The following ABHD17B variants were observed in gnomAD, a reference collection of about 807,000 sequenced individuals.
ABHD17B encodes alpha/beta hydrolase domain-containing protein 17B.
In ABHD17B, 9 loss-of-function variants were observed where a neutral mutation model predicts 26.2. The ratio of observed to expected loss-of-function variants is 0.34; its 90% CI spans 0.21 to 0.60. The LOEUF is 0.60. Among genes scored for constraint, ABHD17B ranks in the 20% least tolerant of loss-of-function variants. The probability of loss-of-function intolerance (pLI) is 0.80; values close to 1 mark genes in which losing one functional copy is unlikely to be tolerated. For missense variants in ABHD17B, 224 were observed against 352.1 expected, an observed-to-expected ratio of 0.64 and a Z score of 2.91; for synonymous variants, 127 against 122.3, an observed-to-expected ratio of 1.04 and a Z score of -0.25.
intron 1 of ABHD17B, among the ~76,000 whole-genome samples, chr9:71,885,026 C>T (rs1359841756): frequency 1.3e-5 from 2 of 151,976 alleles, no homozygotes; most frequent in Non-Finnish European, 2.9e-5. Context: ...AATCTATGAA[C>T]CTAAGTGGGG....
At position 71,866,158 on chromosome 9, in the gene ABHD17B, C is replaced by T. The variant is rs1481361612; in HGVS notation, c.*629G>A. ...ATGACTTCTCATTTACAAGGTAACT[C>T]ATTGGTAAATTAATAGATGGCATAA... On this transcript the variant is annotated 3_prime_UTR_variant, in exon 4 of 4. Transcript: ENST00000333421. 1 of 984,482 alleles carries T rather than the reference C, an allele frequency of 1.0e-6. No homozygotes were observed. Among genetic ancestry groups the T allele is most frequent in the African/African-American group, 1.7e-5 (1 of 57,192 alleles). 61.0% of individuals were successfully genotyped at this position (984,482 alleles called of 1,614,324 possible).
At chr9:71,890,247 G>A (rs1826742957) in intron 1 of ABHD17B, among the ~76,000 whole-genome samples, 1 of 152,110 alleles carries the variant, frequency 6.6e-6, no homozygotes, top group Non-Finnish European at 1.5e-5. Flanking sequence ...CCAAGTTTGT[G>A]CCACAGCATT....
chr9:71,910,390 C>G (rs1024746154), intron 1 of ABHD17B, among the ~76,000 whole-genome samples: 1 of 152,192 alleles, frequency 6.6e-6, no homozygotes, highest in Non-Finnish European at 1.5e-5. Context: ...ACCGCAGGGA[C>G]TGTCCTACCG....
At chr9:71,907,212 A>G (rs1428132269) in intron 1 of ABHD17B, among the ~76,000 whole-genome samples, 1 of 152,238 alleles carries the variant, frequency 6.6e-6, no homozygotes, top group Non-Finnish European at 1.5e-5. Context: ...TATATAACAG[A>G]GCACATACCA....
chr9:71,897,714 ATGT>A (rs1215422552), intron 1 of ABHD17B, among the ~76,000 whole-genome samples: 1 of 152,176 alleles, frequency 6.6e-6, no homozygotes, highest in Non-Finnish European at 1.5e-5. Context: ...CTTTACATAG[ATGT>A]TGTAACATGT....
At chr9:71,903,906 C>T (rs148492938) in intron 1 of ABHD17B, among the ~76,000 whole-genome samples, 1 of 152,224 alleles carries the variant, frequency 6.6e-6, no homozygotes, top group African/African-American at 2.4e-5. Context: ...TAATACTTTT[C>T]CCAGGTTATC....
intron 1 of ABHD17B, among the ~76,000 whole-genome samples, chr9:71,889,246 G>A (rs1211677094): frequency 1.3e-5 from 2 of 151,836 alleles, no homozygotes; most frequent in African/African-American, 4.8e-5. Context: ...GAACCTAGGA[G>A]GTACAGGCTG....
At chr9:71,887,767 C>T (rs143427030) in intron 1 of ABHD17B, among the ~76,000 whole-genome samples, 2,976 of 152,258 alleles carry the variant, frequency 0.02, 36 homozygotes, top group Middle Eastern at 0.054. Flanking sequence ...AGTACATATA[C>T]GTAAATCTCA....
intron 1 of ABHD17B, among the ~76,000 whole-genome samples, chr9:71,888,119 A>T (rs1826667119): frequency 6.6e-6 from 1 of 152,228 alleles, no homozygotes; most frequent in Admixed American, 6.5e-5. Flanking sequence ...AATCTTGATG[A>T]TCCACCAGAG....
intron 1 of ABHD17B, among the ~76,000 whole-genome samples, chr9:71,887,017 G>A (rs1826630881): frequency 1.3e-5 from 2 of 152,106 alleles, no homozygotes; most frequent in South Asian, 4.1e-4. Flanking sequence ...GAGTGTAACA[G>A]TGCCAATGGG....
At chr9:71,863,125 C>CT (rs1825870766), downstream of ABHD17B, among the ~76,000 whole-genome samples, 1 of 152,068 alleles carries the variant, frequency 6.6e-6, no homozygotes, top group South Asian at 2.1e-4. Context: ...CTTCATCATT[C>CT]TTTTTTGTAC....
At chr9:71,906,819 C>CAAACA (rs1554704128) in intron 1 of ABHD17B, among the ~76,000 whole-genome samples, 7 of 148,162 alleles carry the variant, frequency 4.7e-5, no homozygotes, top group African/African-American at 9.9e-5. Context: ...AACAAACAAA[C>CAAACA]AAAAAAAAAA....
At chr9:71,900,630 C>G (rs909176295) in intron 1 of ABHD17B, among the ~76,000 whole-genome samples, 2 of 119,032 alleles carry the variant, frequency 1.7e-5, no homozygotes, top group African/African-American at 3.3e-5. Flanking sequence ...CTGGTCTGGG[C>G]GACAGAGTGA....
chr9:71,880,410 C>T (rs114616406), intron 1 of ABHD17B, among the ~76,000 whole-genome samples: 2,154 of 151,858 alleles, frequency 0.014, 52 homozygotes, highest in African/African-American at 0.05. Context: ...CAAAATCAAG[C>T]TGAAAGACAA....
intron 2 of ABHD17B, among the ~76,000 whole-genome samples, chr9:71,873,358 G>T (rs1262399741): frequency 6.6e-5 from 10 of 151,686 alleles, no homozygotes. Flanking sequence ...AAGAATAACT[G>T]ACATAGTAAG....
chr9:71,902,496 A>T (rs1445803033), intron 1 of ABHD17B: 1 of 150,560 alleles, frequency 6.6e-6, no homozygotes, highest in Non-Finnish European at 1.5e-5. Context: ...GAGAAGGAAC[A>T]AAGAAGTCTG....
downstream of ABHD17B, among the ~76,000 whole-genome samples, chr9:71,862,823 T>C (rs767330575): frequency 4.6e-5 from 7 of 152,172 alleles, no homozygotes; most frequent in Admixed American, 1.3e-4. Flanking sequence ...CTCATTCCAT[T>C]GGAGTGCATT....
At chr9:71,863,674 C>T (rs986311698), downstream of ABHD17B, among the ~76,000 whole-genome samples, 5 of 152,330 alleles carry the variant, frequency 3.3e-5, no homozygotes, top group South Asian at 1.0e-3. Flanking sequence ...GAAGCAATCC[C>T]TTTCCTTTAT....
intron 1 of ABHD17B, among the ~76,000 whole-genome samples, chr9:71,907,699 C>T (rs1180795562): frequency 3.9e-5 from 6 of 152,002 alleles, no homozygotes; most frequent in Admixed American, 6.6e-5. Flanking sequence ...TTAGTAGAGA[C>T]GGGGTTTCTC....
Sources: allele counts gnomAD v4.1 joint callset (sites outside exome capture counted in the v4.1 genomes callset), GRCh38; gene constraint gnomAD v4.1.1; transcripts MANE v1.5; gene names NCBI Gene and HGNC (gene_info 2026-07-23, HGNC 2026-07-21).